Variants in RILPL2 observed in about 807,000 individuals in gnomAD.
The protein encoded by RILPL2 is RILP-like protein 2.
Under a neutral mutation model 22.2 loss-of-function variants are expected in RILPL2, and 19 were observed. The ratio of observed to expected loss-of-function variants is 0.86; its 90% CI spans 0.60 to 1.25. RILPL2 has a LOEUF of 1.25. Ranked by LOEUF, RILPL2 falls within the 50% of genes most tolerant of loss-of-function variation. The probability of loss-of-function intolerance (pLI) is 0.00; values close to 1 mark genes in which losing one functional copy is unlikely to be tolerated. For missense variants in RILPL2, 243 were observed against 263.6 expected, an observed-to-expected ratio of 0.92 and a Z score of 0.54; for synonymous variants, 123 against 111.6, an observed-to-expected ratio of 1.10 and a Z score of -0.64.
chr12:123,428,622 G>A (rs1879510581), intron 2 of RILPL2, among the ~76,000 whole-genome samples: 1 of 152,188 alleles, frequency 6.6e-6, no homozygotes, highest in African/African-American at 2.4e-5. Context: ...ATCAGGGTAT[G>A]TCCTTAATTC....
At chr12:123,412,507 T>C (rs752050194), downstream of RILPL2, 8 of 152,152 alleles carry the variant, frequency 5.3e-5, no homozygotes, top group Non-Finnish European at 1.2e-4. Flanking sequence ...GTTGAGACAG[T>C]GTTCTGGACT....
In RILPL2 at chr12:123,436,190, C is replaced by T. The variant is rs143936364; in HGVS notation, c.231G>A (p.Ala77=). 1,213 of 1,611,460 alleles carry T rather than the reference C, an allele frequency of 7.5e-4. 2 individuals carry two copies. Among genetic ancestry groups the T allele is most frequent in the Non-Finnish European group, 1.0e-3 (1,176 of 1,178,988 alleles). ...GCGCCAGGCTGCCCTCATTCACCAG[C>T]GCCTCCAGCATCTCCAGGACGCGGA... ...KVVRVLEMLE[A]LVNEGSLALE... Residue 77 remains alanine, a synonymous_variant, in exon 1 of 4, where the codon GCG becomes GCA. Transcript: ENST00000280571. The surrounding 1 kb of genome is among the most constrained non-coding windows in gnomAD (Gnocchi z 6.7).
the RILPL2 span, among the ~76,000 whole-genome samples, chr12:123,410,025 C>T: frequency 6.6e-6 from 1 of 152,012 alleles, no homozygotes; most frequent in East Asian, 1.9e-4. Flanking sequence ...TGCACCCGGC[C>T]ACAGTAGAGA....
intron 3 of RILPL2, among the ~76,000 whole-genome samples, chr12:123,419,177 A>G (rs971542368): frequency 6.7e-6 from 1 of 148,678 alleles, no homozygotes; most frequent in African/African-American, 2.5e-5. Flanking sequence ...TGCCCGGCTA[A>G]TTTTTTGTAT....
chr12:123,417,173 C>T (rs1224446779), intron 3 of RILPL2, among the ~76,000 whole-genome samples: 1 of 151,880 alleles, frequency 6.6e-6, no homozygotes, highest in Non-Finnish European at 1.5e-5. Flanking sequence ...ATGGTGAACA[C>T]CTGTGGTCCC....
chr12:123,427,362 G>A (rs1035584651), intron 2 of RILPL2, among the ~76,000 whole-genome samples: 10 of 152,144 alleles, frequency 6.6e-5, no homozygotes, highest in East Asian at 1.9e-4. Context: ...GCCTAACAGC[G>A]TCACTTCCAC....
Position 123,423,950 on chromosome 12 carries a change from A to G in RILPL2, c.492-793T>C, listed in dbSNP as rs372183776. On this transcript the variant is annotated intron_variant, in intron 2 of 3. Coordinates refer to ENST00000280571, the MANE Select transcript of RILPL2 (RefSeq NM_145058.3). ...TTACAGGTGTGAGCCACCGTGCCTG[A>G]CCCTCTTGTTTCTTTCTCTTACCTA... 2.0e-4 allele frequency among the ~76,000 whole-genome samples: 31 copies of G among 151,716 alleles called. No homozygotes were observed. In the South Asian group the frequency reaches 2.7e-3, roughly 13 times the overall value.
intron 3 of RILPL2, among the ~76,000 whole-genome samples, chr12:123,418,291 C>A (rs191949858): frequency 6.6e-6 from 1 of 152,272 alleles, no homozygotes; most frequent in African/African-American, 2.4e-5. Flanking sequence ...TTGAATGTCA[C>A]CTCCTCACAG....
chr12:123,428,424 C>A (rs548635925), intron 2 of RILPL2, among the ~76,000 whole-genome samples: 1 of 152,340 alleles, frequency 6.6e-6, no homozygotes, highest in Admixed American at 6.5e-5. Context: ...GCGTGAGCCA[C>A]CGCGCCCGGC....
At position 123,416,853 on chromosome 12, in the gene RILPL2, C is replaced by T. The variant is rs193097967; in HGVS notation, c.606-932G>A. On this transcript the variant is annotated intron_variant, in intron 3 of 3. Coordinates refer to ENST00000280571, the MANE Select transcript of RILPL2 (RefSeq NM_145058.3). ...GGTGTCCTAAGCTCCCGTAGAAGGA[C>T]GCTGAAAGAAACCAGTAGTTTATGC... is the stretch of plus-strand genomic sequence containing the variant. Among the ~76,000 whole-genome samples the T allele has an allele frequency of 9.8e-5, 15 of 152,300 alleles. No individual in the cohort carries two copies. In the East Asian group the frequency reaches 1.9e-3, roughly 20 times the overall value.
At chr12:123,423,473 T>C (rs1329987431) in intron 2 of RILPL2, among the ~76,000 whole-genome samples, 1 of 152,006 alleles carries the variant, frequency 6.6e-6, no homozygotes, top group African/African-American at 2.4e-5. Flanking sequence ...AGTGCTGGGA[T>C]TACAGGCATG....
chr12:123,425,633 A>C (rs1879423471), intron 2 of RILPL2, among the ~76,000 whole-genome samples: 1 of 151,266 alleles, frequency 6.6e-6, no homozygotes, highest in Non-Finnish European at 1.5e-5. Flanking sequence ...AGTTTTGCAA[A>C]GAGTGGGCTC....
In RILPL2 at chr12:123,415,323, T is replaced by C. The variant is rs1334113019; in HGVS notation, c.*568A>G. ...TTCATTATACAATGAAATGTAGATA[T>C]ATGACATATACACACATATACCATG... is the stretch of plus-strand genomic sequence containing the variant. On this transcript the variant is annotated 3_prime_UTR_variant, in exon 4 of 4. Coordinates refer to ENST00000280571, the MANE Select transcript of RILPL2 (RefSeq NM_145058.3). 3.9e-5 allele frequency: 6 copies of C among 153,426 alleles called. No individual in the cohort carries two copies. The highest frequency in any genetic ancestry group is 1.4e-4 in the African/African-American group (6 of 41,458). 9.5% of individuals were successfully genotyped at this position (153,426 alleles called of 1,614,324 possible).
intron 3 of RILPL2, among the ~76,000 whole-genome samples, chr12:123,420,316 C>T (rs1054332028): frequency 2.0e-5 from 3 of 151,760 alleles, no homozygotes; most frequent in East Asian, 1.9e-4. Flanking sequence ...TGAGCCACTG[C>T]GCCTGGCAGA....
rs773807834 is a variant in RILPL2 at position 123,415,763 on chromosome 12, T to A, written c.*128A>T. ...AGAACCTCGTCTCCTCCCTCCTCAGTCTGCTTTGAAGGGGAAATAAATACA... is the reference window on the plus strand; with the variant it reads ...AGAACCTCGTCTCCTCCCTCCTCAGACTGCTTTGAAGGGGAAATAAATACA... On this transcript the variant is annotated 3_prime_UTR_variant, in exon 4 of 4. Transcript: ENST00000280571. 1.4e-4 allele frequency: 128 copies of A among 913,938 alleles called. 1 individual carries two copies. Among genetic ancestry groups the A allele is most frequent in the Non-Finnish European group, 2.3e-4 (126 of 550,154 alleles). The allele number at this position is 913,938 out of a possible 1,614,324, so 56.6% of individuals were successfully genotyped here. A position where few individuals can be genotyped will look rare whatever the true frequency, so the allele number is the denominator to read the frequency against.
At chr12:123,409,408 C>T in the RILPL2 span, 1 of 152,450 alleles carries the variant, frequency 6.6e-6, no homozygotes, top group East Asian at 1.9e-4. Context: ...ACCAGCATGT[C>T]TAAGCTTTGG....
chr12:123,422,300 G>A (rs994352817), intron 3 of RILPL2, among the ~76,000 whole-genome samples: 7 of 150,476 alleles, frequency 4.7e-5, no homozygotes, highest in Non-Finnish European at 8.8e-5. Flanking sequence ...AGGCAGGTTG[G>A]TCACGAGGAG....
chr12:123,410,098 C>A (rs1473027280), downstream of RILPL2, among the ~76,000 whole-genome samples: 1 of 152,096 alleles, frequency 6.6e-6, no homozygotes. Context: ...CCACCCGCCT[C>A]GGCCTCCCAA....
intron 2 of RILPL2, among the ~76,000 whole-genome samples, chr12:123,429,948 T>C (rs1479705030): frequency 6.6e-6 from 1 of 150,986 alleles, no homozygotes; most frequent in Non-Finnish European, 1.5e-5. Context: ...AGACCCTGTC[T>C]CTACAAAAAA....
Sources: gnomAD v4.1 joint callset for allele counts (sites outside exome capture counted in the v4.1 genomes callset) on GRCh38, gnomAD v4.1.1 for gene constraint, Gnocchi (gnomAD v3.1) non-coding constraint, MANE v1.5 for transcripts, NCBI Gene and HGNC (gene_info 2026-07-23, HGNC 2026-07-21) for gene names.